Variants in LIMCH1 observed in about 807,000 individuals in gnomAD.
LIMCH1 encodes LIM and calponin homology domains-containing protein 1.
In LIMCH1, 113 loss-of-function variants were observed where a neutral mutation model predicts 176.5. That is an observed-to-expected ratio of 0.64 (90% CI 0.55 to 0.75). The LOEUF (loss-of-function observed/expected upper bound fraction) is 0.75, where lower values mean the gene tolerates loss of function less well. Ranked by LOEUF, LIMCH1 falls within the 30% of genes least tolerant of loss-of-function variation. The probability of loss-of-function intolerance (pLI) is 0.00; values close to 1 mark genes in which losing one functional copy is unlikely to be tolerated. For missense variants in LIMCH1, 1,674 were observed against 1,814.9 expected, an observed-to-expected ratio of 0.92 and a Z score of 1.41; for synonymous variants, 619 against 645.9, an observed-to-expected ratio of 0.96 and a Z score of 0.63.
At chr4:41,582,626 T>G (rs2085702250) in intron 1 of LIMCH1, among the ~76,000 whole-genome samples, 2 of 152,226 alleles carry the variant, frequency 1.3e-5, no homozygotes, top group Admixed American at 1.3e-4. Flanking sequence ...ACATTATGTC[T>G]CTGTAGTTCA....
intron 2 of LIMCH1, chr4:41,599,235 C>A: frequency 2.6e-6 from 1 of 391,596 alleles, no homozygotes; most frequent in Non-Finnish European, 4.7e-6. Flanking sequence ...TTTTTGAATG[C>A]AAAATTCTTG....
intron 3 of LIMCH1, among the ~76,000 whole-genome samples, chr4:41,532,616 G>A (rs1399111401): frequency 6.6e-6 from 1 of 152,162 alleles, no homozygotes; most frequent in African/African-American, 2.4e-5. Flanking sequence ...GGTTGGACCG[G>A]GTGAAGGGGA....
chr4:41,515,294 G>A (rs897075865), intron 2 of LIMCH1, among the ~76,000 whole-genome samples: 10 of 152,118 alleles, frequency 6.6e-5, no homozygotes, highest in East Asian at 3.9e-4. Flanking sequence ...TCCTTCCTCC[G>A]CGTCCCCAGC....
At chr4:41,525,874 T>C (rs2076598160) in intron 3 of LIMCH1, among the ~76,000 whole-genome samples, 1 of 152,162 alleles carries the variant, frequency 6.6e-6, no homozygotes, top group Non-Finnish European at 1.5e-5. Flanking sequence ...CTCTGGACCC[T>C]GGAGCTCTGG....
At chr4:41,469,811 A>T (rs1308603512) in intron 1 of LIMCH1, among the ~76,000 whole-genome samples, 1 of 151,890 alleles carries the variant, frequency 6.6e-6, no homozygotes, top group African/African-American at 2.4e-5. Context: ...CCTCCCGAGT[A>T]GCTGGGACTA....
At chr4:41,556,000 C>T (rs1584026240) in intron 1 of LIMCH1, among the ~76,000 whole-genome samples, 1 of 152,092 alleles carries the variant, frequency 6.6e-6, no homozygotes, top group Non-Finnish European at 1.5e-5. Context: ...CTGCCTCAGT[C>T]TCTGAAGGTG....
chr4:41,419,650 C>CTCCT (rs1189243700), intron 1 of LIMCH1, among the ~76,000 whole-genome samples: 1,256 of 56,202 alleles, frequency 0.022, 44 homozygotes, highest in African/African-American at 0.031. Flanking sequence ...TCCTTTCTTC[C>CTCCT]TCCTTCCTTC....
chr4:41,603,504 G>A (rs1225915342), intron 2 of LIMCH1, among the ~76,000 whole-genome samples: 1 of 152,148 alleles, frequency 6.6e-6, no homozygotes, highest in Non-Finnish European at 1.5e-5. Flanking sequence ...TGAAGATTTT[G>A]GAAGTGCAGT....
At chr4:41,373,397 C>G (rs2054267960) in intron 1 of LIMCH1, among the ~76,000 whole-genome samples, 1 of 152,210 alleles carries the variant, frequency 6.6e-6, no homozygotes. Context: ...GCTGCATGGT[C>G]CTGGCACCGA....
chr4:41,615,852 T>G (rs1194558478), intron 5 of LIMCH1, among the ~76,000 whole-genome samples: 2 of 152,176 alleles, frequency 1.3e-5, no homozygotes, highest in Non-Finnish European at 2.9e-5. Context: ...ATTTTATTAT[T>G]ATCCACTCCC....
At chr4:41,648,627 A>G (rs753854115) in intron 17 of LIMCH1, among the ~76,000 whole-genome samples, 19 of 150,560 alleles carry the variant, frequency 1.3e-4, no homozygotes, top group Non-Finnish European at 2.4e-4. Flanking sequence ...GTTACCAGCT[A>G]ATAATGCCAG....
intron 1 of LIMCH1, among the ~76,000 whole-genome samples, chr4:41,494,206 T>A (rs13122432): frequency 0.19 from 29,237 of 151,652 alleles, 3,017 homozygotes; most frequent in South Asian, 0.33. Context: ...TAGGCAAAGC[T>A]ACACATGGGA....
chr4:41,540,358 C>G lies in LIMCH1; in HGVS notation c.-241+2008C>G, dbSNP rs200602357. 2.6e-5 allele frequency among the ~76,000 whole-genome samples: 4 copies of G among 152,206 alleles called. No homozygotes were observed. The East Asian group carries it at 5.8e-4, about 22-fold the overall frequency. On this transcript the variant is annotated intron_variant, in intron 1 of 31. Transcript: ENST00000503057. ...GGGACCCTTTGAGATTTTGGCCCTG[C>G]CTTTTAGGTTGAATATTTCCCTAAA...
At chr4:41,654,137 C>CA (rs1318712265) in intron 18 of LIMCH1, among the ~76,000 whole-genome samples, 1 of 152,052 alleles carries the variant, frequency 6.6e-6, no homozygotes, top group African/African-American at 2.4e-5. Flanking sequence ...CAGAGGGACT[C>CA]ATGACTTAGG....
chr4:41,616,263 A>C (rs1031862200), intron 5 of LIMCH1, among the ~76,000 whole-genome samples: 7 of 151,906 alleles, frequency 4.6e-5, no homozygotes, highest in Non-Finnish European at 1.0e-4. Context: ...AGATACATTA[A>C]AAAAAAGTAA....
At chr4:41,533,444 C>T (rs541976504), upstream of LIMCH1, among the ~76,000 whole-genome samples, 23 of 152,280 alleles carry the variant, frequency 1.5e-4, no homozygotes, top group African/African-American at 5.1e-4. Context: ...CTCTCATTCT[C>T]CTGAACACCG....
intron 1 of LIMCH1, among the ~76,000 whole-genome samples, chr4:41,542,114 A>G (rs191313331): frequency 6.6e-6 from 1 of 151,968 alleles, no homozygotes; most frequent in East Asian, 1.9e-4. Flanking sequence ...TCCCCTCATT[A>G]CACATCCTGG....
At chr4:41,426,879 AC>A (rs1209437763) in intron 1 of LIMCH1, among the ~76,000 whole-genome samples, 2 of 152,358 alleles carry the variant, frequency 1.3e-5, no homozygotes, top group East Asian at 3.9e-4. Context: ...TAAGTAAAAA[AC>A]ATACTCATTT....
chr4:41,438,651 T>C (rs1236130943), intron 1 of LIMCH1, among the ~76,000 whole-genome samples: 2 of 152,200 alleles, frequency 1.3e-5, no homozygotes, highest in African/African-American at 4.8e-5. Flanking sequence ...CTTGTGCCTT[T>C]TTATTACAGA....
Sources: allele counts gnomAD v4.1 joint callset (sites outside exome capture counted in the v4.1 genomes callset), GRCh38; gene constraint gnomAD v4.1.1; transcripts MANE v1.5; gene names NCBI Gene and HGNC (gene_info 2026-07-23, HGNC 2026-07-21).